Variants in IFT74 observed in about 807,000 individuals in gnomAD.
IFT74 encodes the protein intraflagellar transport protein 74 homolog.
IFT74 carries 92 observed loss-of-function variants against 96.7 expected under a neutral mutation model. That is an observed-to-expected ratio of 0.95 (90% CI 0.80 to 1.13). The LOEUF (loss-of-function observed/expected upper bound fraction) is 1.13. Ranked by LOEUF, IFT74 falls within the 50% of genes most tolerant of loss-of-function variation. IFT74 has a pLI of 0.00. For synonymous variants in IFT74, 223 were observed against 213.2 expected (o/e 1.05, Z -0.40); for missense variants, 811 against 698.2 (o/e 1.16, Z -1.82).
chr9:27,024,929 C>T lies in IFT74; in HGVS notation c.975-4096C>T, dbSNP rs1221236436. 2.0e-5 allele frequency among the ~76,000 whole-genome samples: 3 copies of T among 147,868 alleles called. No homozygotes were observed. The East Asian group carries it at 6.0e-4, about 30-fold the overall frequency. On this transcript the variant is annotated intron_variant, in intron 12 of 19. Transcript: ENST00000380062. ...AAGAAAGAACTTCAGAGCTCTAAGACAAGGCTTTCAGAATAACCCAATCCA... is the reference window on the plus strand; with the variant it reads ...AAGAAAGAACTTCAGAGCTCTAAGATAAGGCTTTCAGAATAACCCAATCCA...
At chr9:26,993,506 C>A (rs1017058566) in intron 8 of IFT74, 2 of 152,428 alleles carry the variant, frequency 1.3e-5, no homozygotes, top group African/African-American at 4.8e-5. Flanking sequence ...ACAGGTATAT[C>A]ATCCTAGTTT....
At position 27,025,419 on chromosome 9, in the gene IFT74, G is replaced by A. The variant is rs868791823; in HGVS notation, c.975-3606G>A. The stretch of plus-strand genomic sequence containing the variant: ...GATCATGCCACTGCATTCCATCCTG[G>A]GTGACAGAGTGAGACTCCATCTCCA... On this transcript the variant is annotated intron_variant, in intron 12 of 19. Transcript: ENST00000380062. 2.0e-5 allele frequency among the ~76,000 whole-genome samples: 3 copies of A among 146,372 alleles called. No homozygotes were observed. In the South Asian group the frequency reaches 6.5e-4, roughly 32 times the overall value.
At chr9:27,010,056 C>T (rs1451083269) in intron 9 of IFT74, among the ~76,000 whole-genome samples, 8 of 151,390 alleles carry the variant, frequency 5.3e-5, no homozygotes, top group Non-Finnish European at 1.0e-4. Flanking sequence ...GTGCCCATCT[C>T]GGCTCACTGC....
intron 2 of IFT74, among the ~76,000 whole-genome samples, chr9:26,973,831 A>G (rs1380003471): frequency 6.6e-6 from 1 of 152,216 alleles, no homozygotes; most frequent in Non-Finnish European, 1.5e-5. Context: ...ATAAGTTCAC[A>G]TTTAGGTCCC....
rs1820151662 is a variant in IFT74 at position 27,056,254 on chromosome 9, T to C, written c.1498-80T>C. The C allele has an allele frequency of 1.1e-5, 12 of 1,111,890 alleles. No individual in the cohort carries two copies. In the East Asian group the frequency reaches 1.8e-4, roughly 16 times the overall value. The allele number at this position is 1,111,890 out of a possible 1,614,324, so 68.9% of individuals were successfully genotyped here. ...ATATAATTTTACCAGAATATAGTTATTGAAATTAAGTTAAATATGATTTAT... is the reference window on the plus strand; with the variant it reads ...ATATAATTTTACCAGAATATAGTTACTGAAATTAAGTTAAATATGATTTAT... On this transcript the variant is annotated intron_variant, in intron 17 of 19. Coordinates refer to ENST00000380062, the MANE Select transcript of IFT74 (RefSeq NM_025103.4).
chr9:26,955,688 G>T (rs1826059277), upstream of IFT74: 1 of 152,012 alleles, frequency 6.6e-6, no homozygotes, highest in Admixed American at 6.6e-5. Context: ...TCGAAGGCAG[G>T]CAAGTTGGAA....
intron 10 of IFT74, among the ~76,000 whole-genome samples, chr9:27,015,264 A>C (rs116512080): frequency 0.012 from 1,820 of 152,230 alleles, 35 homozygotes; most frequent in African/African-American, 0.042. Context: ...CTGTATATAT[A>C]ATCCATTGCT....
Position 27,036,642 on chromosome 9 carries a change from ATT to A in IFT74, c.1054+7541_1054+7542del. On this transcript the variant is annotated intron_variant, in intron 13 of 19. Transcript: ENST00000380062. The stretch of plus-strand genomic sequence containing the variant: ...ACTGTTTGAGCAGTGTTCATCTGGC[ATT>A]TTATTCATTGGCTACTTGTGTTCAC... 5 of 1,414,642 alleles carry A rather than the reference ATT, an allele frequency of 3.5e-6. No individual in the cohort carries two copies. The Admixed American group carries it at 1.2e-4, about 33-fold the overall frequency. 87.6% of individuals were successfully genotyped at this position (1,414,642 alleles called of 1,614,324 possible).
rs191065723 is a variant in IFT74 at position 27,012,647 on chromosome 9, C to A, written c.789+679C>A. Among the ~76,000 whole-genome samples the A allele has an allele frequency of 2.7e-5, 4 of 148,144 alleles. No homozygotes were observed. The East Asian group carries it at 8.4e-4, about 31-fold the overall frequency. The stretch of plus-strand genomic sequence containing the variant: ...TTCATTTATTTAAAACGCTTTATTT[C>A]ACAAAACAAAATGTGCATATGGTTT... On this transcript the variant is annotated intron_variant, in intron 10 of 19. Coordinates refer to ENST00000380062, the MANE Select transcript of IFT74 (RefSeq NM_025103.4).
chr9:27,010,874 C>A (rs995425838), intron 9 of IFT74, among the ~76,000 whole-genome samples: 1 of 152,182 alleles, frequency 6.6e-6, no homozygotes, highest in Non-Finnish European at 1.5e-5. Context: ...AATACTCAGT[C>A]ATGGTGGTTC....
At chr9:26,963,668 G>C (rs1465741382) in intron 2 of IFT74, among the ~76,000 whole-genome samples, 1 of 152,062 alleles carries the variant, frequency 6.6e-6, no homozygotes, top group Non-Finnish European at 1.5e-5. Context: ...GTGTGAGATG[G>C]TGTCTCATTG....
intron 10 of IFT74, among the ~76,000 whole-genome samples, chr9:27,016,258 C>T (rs192811517): frequency 6.6e-6 from 1 of 152,302 alleles, no homozygotes; most frequent in Non-Finnish European, 1.5e-5. Flanking sequence ...AGCTGCATCA[C>T]TCCAGTCTTT....
chr9:26,990,662 T>C (rs931653575), intron 8 of IFT74, among the ~76,000 whole-genome samples: 1 of 152,192 alleles, frequency 6.6e-6, no homozygotes, highest in Admixed American at 6.5e-5. Flanking sequence ...ATATAACCTA[T>C]CTAAAGACTA....
chr9:26,992,937 G>A (rs1827953416), intron 8 of IFT74, among the ~76,000 whole-genome samples: 1 of 151,976 alleles, frequency 6.6e-6, no homozygotes, highest in Non-Finnish European at 1.5e-5. Flanking sequence ...GGTTTATTAT[G>A]GAAAACTCAT....
intron 16 of IFT74, among the ~76,000 whole-genome samples, chr9:27,051,016 T>G (rs1011211492): frequency 6.6e-6 from 1 of 152,182 alleles, no homozygotes; most frequent in African/African-American, 2.4e-5. Flanking sequence ...TATTTATAGT[T>G]TTTAATTATC....
At chr9:27,016,785 G>T in intron 10 of IFT74, 122 bp from the exon 11 acceptor site, 1 of 621,468 alleles carries the variant, frequency 1.6e-6, no homozygotes, top group Admixed American at 3.4e-5. Flanking sequence ...AATGATATTT[G>T]CTGTCTGTAT....
At chr9:27,038,187 C>T (rs930067110) in intron 13 of IFT74, among the ~76,000 whole-genome samples, 7 of 152,152 alleles carry the variant, frequency 4.6e-5, no homozygotes, top group South Asian at 2.1e-4. Context: ...TGTTGGAAGC[C>T]ATTATGGAAT....
At chr9:27,061,697 G>A (rs1421184408) in intron 19 of IFT74, among the ~76,000 whole-genome samples, 1,524 of 123,826 alleles carry the variant, frequency 0.012, 26 homozygotes, top group African/African-American at 0.043. Flanking sequence ...ATATATATAT[G>A]TACATAATAT....
chr9:27,016,701 C>G (rs1212448157), intron 10 of IFT74, among the ~76,000 whole-genome samples: 1 of 152,118 alleles, frequency 6.6e-6, no homozygotes, highest in Admixed American at 6.5e-5. Context: ...TCTTGTGAAT[C>G]TTAGACTGAA....
Sources: gnomAD v4.1 joint callset for allele counts (sites outside exome capture counted in the v4.1 genomes callset) on GRCh38, gnomAD v4.1.1 for gene constraint, MANE v1.5 for transcripts, NCBI Gene and HGNC (gene_info 2026-07-23, HGNC 2026-07-21) for gene names.